The following VPS36 variants were observed in gnomAD, a reference collection of about 807,000 sequenced individuals.
VPS36 encodes the protein vacuolar protein sorting 36 homolog.
VPS36 carries 31 observed loss-of-function variants against 63.5 expected under a neutral mutation model. The ratio of observed to expected loss-of-function variants is 0.49; its 90% CI spans 0.37 to 0.66. The LOEUF is 0.66. Among genes scored for constraint, VPS36 ranks in the 30% least tolerant of loss-of-function variants. VPS36 has a pLI of 0.00. For synonymous variants in VPS36, 138 were observed against 157.2 expected, an observed-to-expected ratio of 0.88 and a Z score of 0.91; for missense variants, 338 against 463.7, an observed-to-expected ratio of 0.73 and a Z score of 2.49.
intron 11 of VPS36, 87 bp downstream of exon 11, chr13:52,417,905 G>T: frequency 9.1e-7 from 1 of 1,104,670 alleles, no homozygotes; most frequent in Non-Finnish European, 1.3e-6. Context: ...CTTGACACTA[G>T]GGATGGCAAA....
intron 5 of VPS36, 151 bp downstream of exon 5, chr13:52,434,642 G>A: frequency 1.3e-6 from 1 of 771,660 alleles, no homozygotes; most frequent in Non-Finnish European, 2.0e-6. Flanking sequence ...ACAGGCGTGA[G>A]CCACCGCGCC....
chr13:52,433,543 A>C lies in VPS36; in HGVS notation c.528+119T>G, dbSNP rs1958181932. On this transcript the variant is annotated intron_variant, in intron 6 of 13. Transcript: ENST00000378060. Reference sequence around the variant, plus strand: ...GACCTGTTAAAGAGAATAGGAGACTATGTAGCTTCAGGCAAATGAAATATA... The same window carrying C: ...GACCTGTTAAAGAGAATAGGAGACTCTGTAGCTTCAGGCAAATGAAATATA... 3 of 833,324 alleles carry C rather than the reference A, an allele frequency of 3.6e-6. No homozygotes were observed. In the East Asian group the frequency reaches 7.8e-5, roughly 22 times the overall value. The allele number at this position is 833,324 out of a possible 1,614,324, so 51.6% of individuals were successfully genotyped here.
At position 52,427,229 on chromosome 13, in the gene VPS36, G is replaced by T. The variant is rs1198071905; in HGVS notation, c.529-10C>A. ...TGAGGTCTTCAAAGGCCTGAAATGA[G>T]AAATGAATTTTGGTTGAAATCCATC... On this transcript the variant is annotated splice_polypyrimidine_tract_variant and intron_variant, in intron 6 of 13. Coordinates refer to ENST00000378060, the MANE Select transcript of VPS36 (RefSeq NM_016075.4). 2 of 1,612,782 alleles carry T rather than the reference G, an allele frequency of 1.2e-6. No homozygotes were observed. Among genetic ancestry groups the T allele is most frequent in the Admixed American group, 1.7e-5 (1 of 59,864 alleles).
intron 3 of VPS36, among the ~76,000 whole-genome samples, chr13:52,437,392 A>T (rs1411118062): frequency 6.6e-6 from 1 of 152,210 alleles, no homozygotes; most frequent in Non-Finnish European, 1.5e-5. Flanking sequence ...GAAACAAACC[A>T]TCAAGTAGAG....
intron 1 of VPS36, among the ~76,000 whole-genome samples, chr13:52,443,078 G>A (rs1386503017): frequency 3.9e-5 from 6 of 152,032 alleles, no homozygotes; most frequent in Admixed American, 1.3e-4. Flanking sequence ...TCAATCAATG[G>A]CAGTGGGACA....
At chr13:52,417,880 A>C in intron 11 of VPS36, 112 bp downstream of exon 11, 3 of 809,510 alleles carry the variant, frequency 3.7e-6, no homozygotes, top group Non-Finnish European at 5.9e-6. Flanking sequence ...TATAATTTCA[A>C]GAGAAATAAT....
At chr13:52,422,990 G>C (rs1264605968) in intron 10 of VPS36, among the ~76,000 whole-genome samples, 1 of 152,144 alleles carries the variant, frequency 6.6e-6, no homozygotes, top group African/African-American at 2.4e-5. Flanking sequence ...GATGAGATCT[G>C]ATGGTTTTAA....
At chr13:52,443,605 A>G (rs751405828) in intron 1 of VPS36, among the ~76,000 whole-genome samples, 1 of 152,148 alleles carries the variant, frequency 6.6e-6, no homozygotes, top group Non-Finnish European at 1.5e-5. Flanking sequence ...ATGAGAAATA[A>G]ATGCCTGTTG....
chr13:52,437,755 C>A (rs927504644), intron 3 of VPS36, among the ~76,000 whole-genome samples: 6 of 151,950 alleles, frequency 3.9e-5, no homozygotes, highest in Non-Finnish European at 8.8e-5. Context: ...ACGGTGAAAC[C>A]CCGTCTCTAC....
intron 6 of VPS36, 81 bp from the exon 7 acceptor site, chr13:52,427,300 TC>T: frequency 6.6e-7 from 1 of 1,521,968 alleles, no homozygotes; most frequent in Non-Finnish European, 9.0e-7. Context: ...CTCTATTTTT[TC>T]CCCATAAAAA....
intron 2 of VPS36, among the ~76,000 whole-genome samples, chr13:52,441,830 T>G (rs891029202): frequency 6.6e-6 from 1 of 152,204 alleles, no homozygotes; most frequent in African/African-American, 2.4e-5. Flanking sequence ...GGTAAAAGCA[T>G]GCACTTGATG....
At chr13:52,417,195 G>A (rs1295116611) in intron 11 of VPS36, 54 bp from the exon 12 acceptor site, 15 of 1,496,844 alleles carry the variant, frequency 1.0e-5, no homozygotes, top group Non-Finnish European at 1.3e-5. Context: ...ATATTCAACT[G>A]CTGAAAAGGA....
intron 1 of VPS36, chr13:52,450,241 C>A: frequency 9.1e-7 from 1 of 1,102,042 alleles, no homozygotes; most frequent in South Asian, 4.4e-5. Context: ...AGGGAAGCGG[C>A]CGCGATCCGC....
chr13:52,424,303 C>T lies in VPS36; in HGVS notation c.775-664G>A, dbSNP rs530109074. ...TAAGACTATTACCATTTTGCAACCT[C>T]CAGTGAAATAACAGATCTAGGTAAT... On this transcript the variant is annotated intron_variant, in intron 9 of 13. Transcript: ENST00000378060. Among the ~76,000 whole-genome samples the T allele has an allele frequency of 2.1e-3, 315 of 152,176 alleles. 3 individuals carry two copies. Among genetic ancestry groups the T allele is most frequent in the Non-Finnish European group, 3.5e-3 (238 of 68,012 alleles).
At chr13:52,450,405 C>A in intron 1 of VPS36, 94 bp downstream of exon 1, 5 of 1,351,288 alleles carry the variant, frequency 3.7e-6, no homozygotes, top group Non-Finnish European at 4.8e-6. Flanking sequence ...AGCCGGGGAC[C>A]GGGCCGCGCC....
At chr13:52,422,397 T>A (rs1345948193) in intron 10 of VPS36, among the ~76,000 whole-genome samples, 4 of 152,234 alleles carry the variant, frequency 2.6e-5, no homozygotes, top group Admixed American at 6.5e-5. Flanking sequence ...TTTGCTTTTT[T>A]AAAAAATGTT....
At chr13:52,432,599 A>C (rs548918628) in intron 6 of VPS36, among the ~76,000 whole-genome samples, 1 of 152,222 alleles carries the variant, frequency 6.6e-6, no homozygotes, top group Non-Finnish European at 1.5e-5. Flanking sequence ...AGATCTAGGC[A>C]CTGAATATTA....
At chr13:52,450,171 C>A in intron 1 of VPS36, 1 of 1,013,938 alleles carries the variant, frequency 9.9e-7, no homozygotes, top group Non-Finnish European at 1.2e-6. Flanking sequence ...CGCCCGCAGA[C>A]GGCGAGCGCT....
chr13:52,415,914 A>G lies in VPS36; in HGVS notation c.1077T>C (p.Leu359=), dbSNP rs757994540. 6 of 1,613,912 alleles carry G rather than the reference A, an allele frequency of 3.7e-6. No individual in the cohort carries two copies. The highest frequency in any genetic ancestry group is 1.1e-5 in the South Asian group (1 of 91,060). Residue 359 remains leucine (L), a synonymous_variant, in exon 14 of 14, where the codon CTT becomes CTC. Transcript: ENST00000378060. ...GGCAAAGATGGCCCATCTTCTCTGCAAGCAGCAACCTAAAAAAAAACAACA... is the reference window on the plus strand; with the variant it reads ...GGCAAAGATGGCCCATCTTCTCTGCGAGCAGCAACCTAAAAAAAAACAACA... ...SVLLAKERLL[L]AEKMGHLCRD...
Sources: gnomAD v4.1 joint callset for allele counts (sites outside exome capture counted in the v4.1 genomes callset) on GRCh38, gnomAD v4.1.1 for gene constraint, MANE v1.5 for transcripts, NCBI Gene and HGNC (gene_info 2026-07-23, HGNC 2026-07-21) for gene names.